Variants in IRF8 observed in about 807,000 individuals in gnomAD.
The protein encoded by IRF8 is interferon regulatory factor 8, also known as interferon consensus sequence binding protein 1.
In IRF8, 14 loss-of-function variants were observed where a neutral mutation model predicts 48.7. The observed-to-expected ratio is 0.29, with a 90% CI of 0.19 to 0.45. The LOEUF (loss-of-function observed/expected upper bound fraction) is 0.45. Ranked by LOEUF, IRF8 falls within the 20% of genes least tolerant of loss-of-function variation. IRF8 has a pLI of 1.00. For synonymous variants in IRF8, 278 were observed against 227.3 expected, an observed-to-expected ratio of 1.22 and a Z score of -2.01; for missense variants, 493 against 580.7, an observed-to-expected ratio of 0.85 and a Z score of 1.55.
Position 85,918,398 on chromosome 16 carries a change from G to GTGTCCCTCTTGTCCCTCT in IRF8, c.602-5_602-4insCTCTTGTCCCTCTTGTCC. On this transcript the variant is annotated intron_variant, in intron 6 of 8. Coordinates refer to ENST00000268638, the MANE Select transcript of IRF8 (RefSeq NM_002163.4). Reference sequence around the variant, plus strand: ...TATGTCTCCCCGCAGCACCGTCATCGTGTCCCTCTTGTCCACAGCATTCTC... The same window carrying GTGTCCCTCTTGTCCCTCT: ...TATGTCTCCCCGCAGCACCGTCATCGTGTCCCTCTTGTCCCTCTTGTCCCTCTTGTCCACAGCATTCTC... The GTGTCCCTCTTGTCCCTCT allele has an allele frequency of 6.3e-7, 1 of 1,593,630 alleles. No individual in the cohort carries two copies. Among genetic ancestry groups the GTGTCCCTCTTGTCCCTCT allele is most frequent in the Non-Finnish European group, 8.5e-7 (1 of 1,177,736 alleles).
At chr16:85,919,392 C>G (rs1905454485) in intron 7 of IRF8, among the ~76,000 whole-genome samples, 1 of 152,176 alleles carries the variant, frequency 6.6e-6, no homozygotes, top group Non-Finnish European at 1.5e-5. Context: ...CTCTCTGCTC[C>G]TCTCCCTGTA....
rs1555610242 is a variant in IRF8 at position 85,902,783 on chromosome 16, T to TGGGGGCTGCA, written c.-1-230_-1-229insGGGCTGCAGG. 3 of 567,984 alleles carry TGGGGGCTGCA rather than the reference T, an allele frequency of 5.3e-6. No homozygotes were observed. The African/African-American group carries it at 5.7e-5, about 11-fold the overall frequency. 35.2% of individuals were successfully genotyped at this position (567,984 alleles called of 1,614,324 possible). A position where few individuals can be genotyped will look rare whatever the true frequency, so the allele number is the denominator to read the frequency against. ...GTGGGAGGGGCCTGCAGGGGGCTGC[T>TGGGGGCTGCA]GGTGGCTGCAGGTTTCCCACGGAGC... On this transcript the variant is annotated intron_variant, in intron 1 of 8. Transcript: ENST00000268638.
intron 4 of IRF8, among the ~76,000 whole-genome samples, chr16:85,912,104 T>C (rs890043354): frequency 4.6e-5 from 7 of 152,250 alleles, no homozygotes; most frequent in East Asian, 1.9e-4. Context: ...ATTTGATTGC[T>C]TCCTTTTTAA....
In IRF8 at chr16:85,918,272, A is replaced by G. The variant is rs1251737119; in HGVS notation, c.602-145A>G. The G allele has an allele frequency of 5.8e-6, 5 of 868,466 alleles. No homozygotes were observed. In the African/African-American group the frequency reaches 8.4e-5, roughly 15 times the overall value. The allele number at this position is 868,466 out of a possible 1,614,324, so 53.8% of individuals were successfully genotyped here. ...ATATAAAAACATTACTTCTACAAGC[A>G]GTACATGGATTTCCCCAGAATATCA... On this transcript the variant is annotated intron_variant, in intron 6 of 8. Coordinates refer to ENST00000268638, the MANE Select transcript of IRF8 (RefSeq NM_002163.4).
chr16:85,921,073 C>T, intron 8 of IRF8, 33 bp from the exon 9 acceptor site: 1 of 1,592,228 alleles, frequency 6.3e-7, no homozygotes, highest in Non-Finnish European at 8.5e-7. Context: ...GAGCCTCCGC[C>T]TCTGCCTCTG....
At chr16:85,905,369 T>A (rs1374262832) in intron 2 of IRF8, among the ~76,000 whole-genome samples, 1 of 152,182 alleles carries the variant, frequency 6.6e-6, no homozygotes. Context: ...CGGGGGGTAA[T>A]GAAATAAAGC....
intron 6 of IRF8, among the ~76,000 whole-genome samples, chr16:85,915,644 G>A (rs1341620939): frequency 2.0e-5 from 3 of 152,222 alleles, no homozygotes; most frequent in African/African-American, 4.8e-5. Context: ...CCTTGTGCCC[G>A]GCAGCCGCCA....
At position 85,913,159 on chromosome 16, in the gene IRF8, T is replaced by A; in HGVS notation, c.476T>A (p.Ile159Asn). The change falls in exon 5 of 9, where the codon ATC (isoleucine) becomes AAC (asparagine). Residue 159 changes from isoleucine to asparagine, a missense_variant. By Grantham distance (149) the Ile-to-Asn change is moderately radical. Around this residue, in one of 3 missense-constraint regions of IRF8, gnomAD observed 408 missense variants for 449.6 expected, o/e 0.91. Coordinates refer to ENST00000268638, the MANE Select transcript of IRF8 (RefSeq NM_002163.4). ...TCTGTGGACGATTACATGGGGATGA[T>A]CAAAAGGAGCCCTTCCCCGCCGGAG... ...EPSVDDYMGM[I>N]KRSPSPPEAC... 6.2e-7 allele frequency: 1 copy of A among 1,614,128 alleles called. No individual in the cohort carries two copies. The highest frequency in any genetic ancestry group is 8.5e-7 in the Non-Finnish European group (1 of 1,179,988).
Position 85,910,154 on chromosome 16 carries a change from G to A in IRF8, c.358+981G>A, listed in dbSNP as rs562284492. Among the ~76,000 whole-genome samples, 22 of 152,320 alleles carry A rather than the reference G, an allele frequency of 1.4e-4. 1 individual carries two copies. The highest frequency in any genetic ancestry group is 3.9e-4 in the East Asian group (2 of 5,188). On this transcript the variant is annotated intron_variant, in intron 3 of 8. Coordinates refer to ENST00000268638, the MANE Select transcript of IRF8 (RefSeq NM_002163.4). ...ATCTGTGTCAGAGAGTTGTGTAATC[G>A]TCATGAAGGAGGCAGCATGATGGTA...
chr16:85,912,700 TA>T (rs1384860394), intron 4 of IRF8, among the ~76,000 whole-genome samples: 1 of 152,246 alleles, frequency 6.6e-6, no homozygotes, highest in African/African-American at 2.4e-5. Context: ...CAGCCTCCTT[TA>T]AGGAATGGGC....
chr16:85,909,334 C>T (rs1358063583), intron 3 of IRF8, 161 bp downstream of exon 3: 1 of 690,172 alleles, frequency 1.4e-6, no homozygotes, highest in African/African-American at 1.8e-5. Context: ...AGATCTCTTT[C>T]CAGTGACCTC....
At chr16:85,915,295 T>C (rs931228851) in intron 6 of IRF8, among the ~76,000 whole-genome samples, 5 of 152,210 alleles carry the variant, frequency 3.3e-5, no homozygotes, top group Admixed American at 6.5e-5. Flanking sequence ...CAGCATTGGC[T>C]GGTTCTGTGG....
intron 4 of IRF8, among the ~76,000 whole-genome samples, chr16:85,912,129 TC>T (rs1254900208): frequency 6.6e-6 from 1 of 152,250 alleles, no homozygotes; most frequent in East Asian, 1.9e-4. Context: ...CAGTTTTTAT[TC>T]CTTAACGGAT....
chr16:85,913,643 C>A (rs1055277071), intron 5 of IRF8, among the ~76,000 whole-genome samples: 1 of 152,260 alleles, frequency 6.6e-6, no homozygotes, highest in Admixed American at 6.5e-5. Context: ...TAAGGACCCC[C>A]TCAGAACCAA....
intron 1 of IRF8, among the ~76,000 whole-genome samples, chr16:85,900,569 A>G (rs534366011): frequency 3.4e-4 from 52 of 152,304 alleles, no homozygotes; most frequent in African/African-American, 1.2e-3. Flanking sequence ...TAACGTAACT[A>G]TGGCTTTTCT....
intron 7 of IRF8, 146 bp from the exon 8 acceptor site, chr16:85,919,963 C>G: frequency 1.4e-6 from 1 of 711,658 alleles, no homozygotes; most frequent in Non-Finnish European, 2.6e-6. Context: ...TGGAATTTGG[C>G]CCAAGGGCCA....
chr16:85,906,738 G>A (rs369661215), intron 2 of IRF8, among the ~76,000 whole-genome samples: 2 of 152,198 alleles, frequency 1.3e-5, no homozygotes, highest in East Asian at 1.9e-4. Flanking sequence ...GTTCTCAGGT[G>A]GGGGAGGTAT....
intron 6 of IRF8, among the ~76,000 whole-genome samples, chr16:85,917,574 A>G (rs1009404454): frequency 1.2e-4 from 18 of 152,250 alleles, no homozygotes; most frequent in Non-Finnish European, 2.5e-4. Context: ...TCTGGCTAGA[A>G]TTGATTAAGA....
At chr16:85,920,581 T>G (rs1416776078) in intron 8 of IRF8, among the ~76,000 whole-genome samples, 2 of 152,068 alleles carry the variant, frequency 1.3e-5, no homozygotes, top group Non-Finnish European at 2.9e-5. Context: ...CCTGGCCCTG[T>G]CATGTAAGGA....
Sources: allele counts gnomAD v4.1 joint callset (sites outside exome capture counted in the v4.1 genomes callset), GRCh38; gene constraint gnomAD v4.1.1; regional missense constraint gnomAD v4.1.1; transcripts MANE v1.5; gene names NCBI Gene and HGNC (gene_info 2026-07-23, HGNC 2026-07-21).